The following MANBA variants were observed in gnomAD, a reference collection of about 807,000 sequenced individuals.
The protein encoded by MANBA is mannosidase beta.
A neutral mutation model predicts 111.1 loss-of-function variants in MANBA; 83 were observed. The ratio of observed to expected loss-of-function variants is 0.75; its 90% CI spans 0.63 to 0.90. MANBA has a LOEUF of 0.90. Among genes scored for constraint, MANBA ranks in the 40% least tolerant of loss-of-function variants. The probability of loss-of-function intolerance (pLI) is 0.00; values close to 1 mark genes in which losing one functional copy is unlikely to be tolerated. For missense variants in MANBA, 1,036 were observed against 1,069.0 expected (o/e 0.97, Z 0.43); for synonymous variants, 370 against 378.7 (o/e 0.98, Z 0.27).
intron 8 of MANBA, among the ~76,000 whole-genome samples, chr4:102,673,556 T>C (rs1461331099): frequency 6.6e-6 from 1 of 152,072 alleles, no homozygotes; most frequent in African/African-American, 2.4e-5. Context: ...AAAACCATGC[T>C]CAAAACATTT....
intron 8 of MANBA, chr4:102,671,986 C>A: frequency 5.0e-6 from 2 of 399,900 alleles, no homozygotes; most frequent in East Asian, 3.6e-5. Flanking sequence ...GTGGGCTCAG[C>A]ACAGGCACCA....
In MANBA at chr4:102,668,606, G is replaced by C. The variant is rs2110220459; in HGVS notation, c.1317+357C>G. The C allele has an allele frequency of 1.5e-5, 4 of 262,138 alleles. No homozygotes were observed. The Middle Eastern group carries it at 5.6e-3, about 366-fold the overall frequency. The allele number at this position is 262,138 out of a possible 1,614,324, so 16.2% of individuals were successfully genotyped here. ...TGGTGTTGCTGTTTGCTGAGATGGAGAAAACTTCAGAAGAAGCAAGATTGG... is the reference window on the plus strand; with the variant it reads ...TGGTGTTGCTGTTTGCTGAGATGGACAAAACTTCAGAAGAAGCAAGATTGG... On this transcript the variant is annotated intron_variant, in intron 10 of 16. Transcript: ENST00000647097.
In MANBA at chr4:102,702,261, C is replaced by T. The variant is rs540943057; in HGVS notation, c.674-11490G>A. ...TTGGTTATTCTAGTTATACATTCGT[C>T]TAAATTCTTTTCAAAGTTTTTAACT... is the stretch of plus-strand genomic sequence containing the variant. On this transcript the variant is annotated intron_variant, in intron 5 of 16. Transcript: ENST00000647097. 2.0e-5 allele frequency among the ~76,000 whole-genome samples: 3 copies of T among 151,552 alleles called. No individual in the cohort carries two copies. In the East Asian group the frequency reaches 5.8e-4, roughly 29 times the overall value.
At chr4:102,638,473 C>T (rs35112949) in intron 14 of MANBA, among the ~76,000 whole-genome samples, 82,732 of 151,028 alleles carry the variant, frequency 0.55, 23,028 homozygotes, top group African/African-American at 0.63. Flanking sequence ...GTTTGAGTGT[C>T]TTGTTTCCCA....
In MANBA at chr4:102,728,785, C is replaced by T. The variant is rs548226586; in HGVS notation, c.178-2102G>A. On this transcript the variant is annotated intron_variant, in intron 1 of 16. Coordinates refer to ENST00000647097, the MANE Select transcript of MANBA (RefSeq NM_005908.4). ...CGTCAGAGGACTAGGACACCAGCCT[C>T]CCATCATGGGTCTCGATCTTCTTCA... 6.9e-5 allele frequency: 66 copies of T among 954,748 alleles called. 1 individual carries two copies. The Middle Eastern group carries it at 1.3e-3, about 19-fold the overall frequency. The allele number at this position is 954,748 out of a possible 1,614,324, so 59.1% of individuals were successfully genotyped here. A position where few individuals can be genotyped will look rare whatever the true frequency, so the allele number is the denominator to read the frequency against.
intron 11 of MANBA, 31 bp from the exon 12 acceptor site, chr4:102,657,931 T>G (rs1204236727): frequency 2.1e-6 from 3 of 1,398,164 alleles, no homozygotes; most frequent in Non-Finnish European, 3.1e-6. Context: ...AATTCAAGGA[T>G]AATATATTCA....
chr4:102,641,737 C>A (rs1017149983), intron 13 of MANBA, among the ~76,000 whole-genome samples: 1 of 152,198 alleles, frequency 6.6e-6, no homozygotes, highest in East Asian at 1.9e-4. Flanking sequence ...TCTATATATC[C>A]ATTCTAACAT....
At position 102,727,331 on chromosome 4, in the gene MANBA, A is replaced by C. The variant is rs1722848913; in HGVS notation, c.178-648T>G. The C allele has an allele frequency of 4.4e-6, 3 of 676,166 alleles. No homozygotes were observed. In the East Asian group the frequency reaches 7.9e-5, roughly 18 times the overall value. 41.9% of individuals were successfully genotyped at this position (676,166 alleles called of 1,614,324 possible). On this transcript the variant is annotated intron_variant, in intron 1 of 16. Coordinates refer to ENST00000647097, the MANE Select transcript of MANBA (RefSeq NM_005908.4). The stretch of plus-strand genomic sequence containing the variant: ...CCGTGCTCTCATTGATATAGTTCTC[A>C]GTTTTCCATTGGTCTGTATCCCATT...
At chr4:102,729,889 T>A in intron 1 of MANBA, 1 of 1,529,776 alleles carries the variant, frequency 6.5e-7, no homozygotes, top group Non-Finnish European at 9.0e-7. Context: ...AGGGTCTTGA[T>A]CTGCTGCTTC....
intron 7 of MANBA, among the ~76,000 whole-genome samples, chr4:102,676,423 C>T (rs58123443): frequency 0.044 from 6,621 of 152,032 alleles, 465 homozygotes; most frequent in African/African-American, 0.15. Context: ...GCTGGAGAAG[C>T]ACACATACTA....
At chr4:102,738,814 C>T (rs1038038976) in intron 1 of MANBA, among the ~76,000 whole-genome samples, 1 of 151,634 alleles carries the variant, frequency 6.6e-6, no homozygotes, top group African/African-American at 2.4e-5. Flanking sequence ...CAAGGAGGCA[C>T]CAGAGAAAGG....
At chr4:102,714,340 T>C (rs2110273429) in intron 5 of MANBA, 98 bp downstream of exon 5, 1 of 1,229,660 alleles carries the variant, frequency 8.1e-7, no homozygotes, top group East Asian at 2.3e-5. Context: ...TTAAAAATTC[T>C]AAATCTCTGA....
intron 7 of MANBA, among the ~76,000 whole-genome samples, chr4:102,675,849 T>C (rs1215228408): frequency 1.3e-5 from 2 of 152,016 alleles, no homozygotes; most frequent in African/African-American, 4.8e-5. Flanking sequence ...TGCATGCCCA[T>C]AATCCCAGCT....
intron 1 of MANBA, among the ~76,000 whole-genome samples, chr4:102,749,843 A>G (rs1456860810): frequency 6.6e-6 from 1 of 152,234 alleles, no homozygotes; most frequent in Non-Finnish European, 1.5e-5. Context: ...ATACTTATAC[A>G]TGATAAGGAC....
At chr4:102,687,100 G>C (rs1364190478) in intron 7 of MANBA, among the ~76,000 whole-genome samples, 1 of 152,066 alleles carries the variant, frequency 6.6e-6, no homozygotes, top group Admixed American at 6.6e-5. Flanking sequence ...TGCCCTGCCT[G>C]TTCAGAGGCT....
intron 3 of MANBA, 70 bp from the exon 4 acceptor site, chr4:102,723,111 A>C: frequency 7.2e-7 from 1 of 1,395,370 alleles, no homozygotes; most frequent in Non-Finnish European, 1.0e-6. Flanking sequence ...TTTTAGATAA[A>C]GGCATTTTGT....
At chr4:102,678,226 G>C (rs1007464966) in intron 7 of MANBA, among the ~76,000 whole-genome samples, 1 of 152,100 alleles carries the variant, frequency 6.6e-6, no homozygotes, top group Admixed American at 6.6e-5. Context: ...TATGACTGGG[G>C]TGACAATAAA....
chr4:102,633,780 T>G (rs1729494565), intron 16 of MANBA, among the ~76,000 whole-genome samples: 1 of 152,138 alleles, frequency 6.6e-6, no homozygotes, highest in Non-Finnish European at 1.5e-5. Context: ...TAGTGGTTTT[T>G]TTTTTCTTTT....
At chr4:102,684,052 T>G (rs1054501959) in intron 7 of MANBA, among the ~76,000 whole-genome samples, 1 of 151,954 alleles carries the variant, frequency 6.6e-6, no homozygotes, top group African/African-American at 2.4e-5. Flanking sequence ...AATCTGTAAC[T>G]TCCCCAGGAC....
Sources: allele counts gnomAD v4.1 joint callset (sites outside exome capture counted in the v4.1 genomes callset), GRCh38; gene constraint gnomAD v4.1.1; transcripts MANE v1.5; gene names NCBI Gene and HGNC (gene_info 2026-07-23, HGNC 2026-07-21).